Variants in GRAMD1C observed in about 807,000 individuals in gnomAD.
The protein encoded by GRAMD1C is GRAM domain containing 1C.
Under a neutral mutation model 97.8 loss-of-function variants are expected in GRAMD1C, and 89 were observed. The ratio of observed to expected loss-of-function variants is 0.91; its 90% CI spans 0.77 to 1.09. The LOEUF (loss-of-function observed/expected upper bound fraction) is 1.09, where lower values mean the gene tolerates loss of function less well. Among genes scored for constraint, GRAMD1C ranks in the 50% least tolerant of loss-of-function variants. GRAMD1C has a pLI of 0.00. For missense variants in GRAMD1C, 740 were observed against 766.4 expected (o/e 0.97, Z 0.41); for synonymous variants, 256 against 267.0 (o/e 0.96, Z 0.40).
intron 14 of GRAMD1C, among the ~76,000 whole-genome samples, chr3:113,937,779 T>G (rs1459089943): frequency 1.3e-5 from 2 of 152,036 alleles, no homozygotes. Context: ...CCAAGGCGGG[T>G]GGATCACCTG....
intron 2 of GRAMD1C, among the ~76,000 whole-genome samples, chr3:113,848,504 T>TA (rs910120536): frequency 3.3e-5 from 5 of 151,790 alleles, no homozygotes; most frequent in Admixed American, 3.3e-4. Flanking sequence ...TTTGTTTTTT[T>TA]TTTTATTTTA....
At position 113,875,685 on chromosome 3, in the gene GRAMD1C, T is replaced by TTA. The variant is rs1486116617; in HGVS notation, c.363+106_363+107dup. 2.2e-5 allele frequency: 14 copies of TTA among 646,428 alleles called. 1 individual carries two copies. The Admixed American group carries it at 3.4e-4, about 16-fold the overall frequency. 40.0% of individuals were successfully genotyped at this position (646,428 alleles called of 1,614,324 possible). On this transcript the variant is annotated intron_variant, in intron 4 of 17. Transcript: ENST00000358160. ...TACTTTAGATGATTCCAAAGTAAAT[T>TTA]TATATATATTTGTGCATCTAAATTA... is the stretch of plus-strand genomic sequence containing the variant.
intron 5 of GRAMD1C, among the ~76,000 whole-genome samples, chr3:113,880,398 G>A (rs536391071): frequency 5.3e-5 from 8 of 151,918 alleles, no homozygotes; most frequent in African/African-American, 1.9e-4. Context: ...TCTTACATGT[G>A]TTGTTTTTCG....
At chr3:113,906,775 A>G (rs541196572) in intron 8 of GRAMD1C, among the ~76,000 whole-genome samples, 139 of 152,302 alleles carry the variant, frequency 9.1e-4, no homozygotes, top group African/African-American at 3.2e-3. Flanking sequence ...ACCCAGAACA[A>G]CAGAACTCAG....
chr3:113,828,360 A>T (rs1709513998), intron 1 of GRAMD1C: 1 of 152,150 alleles, frequency 6.6e-6, no homozygotes, highest in African/African-American at 2.4e-5. Context: ...ATTAAGGGCA[A>T]CCTCTGAAAG....
chr3:113,868,944 T>G (rs1934687824), intron 2 of GRAMD1C, among the ~76,000 whole-genome samples: 1 of 152,034 alleles, frequency 6.6e-6, no homozygotes, highest in Non-Finnish European at 1.5e-5. Context: ...CTTGCTCCAA[T>G]TGGTACTGGA....
intron 6 of GRAMD1C, chr3:113,897,525 G>A (rs1408049614): frequency 1.0e-5 from 10 of 984,516 alleles, no homozygotes; most frequent in Non-Finnish European, 1.2e-5. Flanking sequence ...CTTGGAAAGA[G>A]TGCTGGTACT....
In GRAMD1C at chr3:113,875,525, C is replaced by T. The variant is rs374737363; in HGVS notation, c.301C>T (p.Arg101Ter). The T allele has an allele frequency of 3.5e-5, 54 of 1,554,448 alleles. No homozygotes were observed. The highest frequency in any genetic ancestry group is 3.9e-5 in the Non-Finnish European group (44 of 1,125,100). ...TCAGAGGGACATTTTGCTTCAGGGA[C>T]GACTATACCTTTCAGAAAACTGGCT... ...ALQRDILLQG[R>*]LYLSENWLCF... is the part of the protein sequence containing the mutation. The change falls in exon 4 of 18, where the codon CGA (arginine) becomes TGA (stop). Residue 101 changes from arginine to a stop codon, truncating the protein, a stop_gained. Transcript: ENST00000358160. LOFTEE classifies it high-confidence loss of function.
intron 2 of GRAMD1C, among the ~76,000 whole-genome samples, chr3:113,860,055 T>A (rs565913136): frequency 2.6e-5 from 4 of 152,084 alleles, no homozygotes; most frequent in African/African-American, 7.2e-5. Context: ...GGAGGCTTGC[T>A]CTGTCACCCA....
At chr3:113,860,030 T>A (rs976409170) in intron 2 of GRAMD1C, among the ~76,000 whole-genome samples, 5 of 150,934 alleles carry the variant, frequency 3.3e-5, no homozygotes, top group Non-Finnish European at 5.9e-5. Context: ...AGGAATAAAT[T>A]TTTTTTTTTG....
rs145838234 is a variant in GRAMD1C at position 113,883,341 on chromosome 3, A to G, written c.540+509A>G. On this transcript the variant is annotated intron_variant, in intron 6 of 17. Transcript: ENST00000358160. ...AGAGTTTGAGACCACCCTGGGTAAC[A>G]CAGCAAAACCCTGTCTCTACAAAAA... Among the ~76,000 whole-genome samples, 578 of 152,158 alleles carry G rather than the reference A, an allele frequency of 3.8e-3. 3 individuals are homozygous for G. The highest frequency in any genetic ancestry group is 0.013 in the African/African-American group (554 of 41,506).
At chr3:113,865,183 A>G (rs1268346670) in intron 2 of GRAMD1C, among the ~76,000 whole-genome samples, 3 of 152,248 alleles carry the variant, frequency 2.0e-5, no homozygotes, top group Middle Eastern at 3.4e-3. Flanking sequence ...TCTTTTGGTA[A>G]TTAATCCAGA....
At chr3:113,908,178 G>A (rs1175595023) in intron 8 of GRAMD1C, among the ~76,000 whole-genome samples, 1 of 152,110 alleles carries the variant, frequency 6.6e-6, no homozygotes, top group Non-Finnish European at 1.5e-5. Context: ...TACAGAAAAT[G>A]CAAGAAAATA....
At chr3:113,864,046 C>A (rs1934494997) in intron 2 of GRAMD1C, among the ~76,000 whole-genome samples, 1 of 152,110 alleles carries the variant, frequency 6.6e-6, no homozygotes, top group Admixed American at 6.6e-5. Flanking sequence ...AATAAGTATT[C>A]TCTCTCTCAT....
intron 1 of GRAMD1C, among the ~76,000 whole-genome samples, chr3:113,830,967 C>A (rs1386451823): frequency 6.6e-6 from 1 of 152,126 alleles, no homozygotes; most frequent in South Asian, 2.1e-4. Context: ...TGATGGTATG[C>A]ACTTGAGACT....
In GRAMD1C at chr3:113,838,873, CGCGCG is replaced by C; in HGVS notation, c.-35_-31del. On this transcript the variant is annotated 5_prime_UTR_variant, in exon 1 of 18. Coordinates refer to ENST00000358160, the MANE Select transcript of GRAMD1C (RefSeq NM_017577.5). ...GGGCGCGGGGCGGTGCGGTGCGGTG[CGCGCG>C]GGGCGGTGCCGCGGCGGCGGAGGGA... 1 of 1,226,192 alleles carries C rather than the reference CGCGCG, an allele frequency of 8.2e-7. No individual in the cohort carries two copies. The highest frequency in any genetic ancestry group is 1.0e-6 in the Non-Finnish European group (1 of 982,220). 76.0% of individuals were successfully genotyped at this position (1,226,192 alleles called of 1,614,324 possible).
chr3:113,840,941 A>G (rs1421054682), intron 1 of GRAMD1C, among the ~76,000 whole-genome samples: 1 of 152,218 alleles, frequency 6.6e-6, no homozygotes, highest in East Asian at 1.9e-4. Context: ...AAGGCTGTGT[A>G]TGATGGCAAG....
intron 5 of GRAMD1C, among the ~76,000 whole-genome samples, chr3:113,879,062 G>C (rs1479552785): frequency 1.3e-5 from 2 of 151,978 alleles, no homozygotes; most frequent in Non-Finnish European, 2.9e-5. Flanking sequence ...AAAATTAGCT[G>C]GGCATGGTGG....
chr3:113,838,997 C>CG, intron 1 of GRAMD1C, 61 bp downstream of exon 1: 1 of 1,052,036 alleles, frequency 9.5e-7, no homozygotes, highest in Non-Finnish European at 1.2e-6. Context: ...CTTTTTCTCA[C>CG]GGTGATTGCT....
Sources: allele counts gnomAD v4.1 joint callset (sites outside exome capture counted in the v4.1 genomes callset), GRCh38; gene constraint gnomAD v4.1.1; transcripts MANE v1.5; gene names NCBI Gene and HGNC (gene_info 2026-07-23, HGNC 2026-07-21).